Variants in OPCML observed in about 807,000 individuals in gnomAD.
OPCML encodes opioid binding protein/cell adhesion molecule like.
OPCML carries 13 observed loss-of-function variants against 37.8 expected under a neutral mutation model. The ratio of observed to expected loss-of-function variants is 0.34; its 90% CI spans 0.22 to 0.55. The LOEUF (loss-of-function observed/expected upper bound fraction) is 0.55. Ranked by LOEUF, OPCML falls within the 20% of genes least tolerant of loss-of-function variation. The pLI is 0.91. For synonymous variants in OPCML, 176 were observed against 168.8 expected, an observed-to-expected ratio of 1.04 and a Z score of -0.33; for missense variants, 341 against 435.6, an observed-to-expected ratio of 0.78 and a Z score of 1.93.
chr11:133,274,385 G>T (rs576815056), intron 1 of OPCML, among the ~76,000 whole-genome samples: 1 of 152,194 alleles, frequency 6.6e-6, no homozygotes, highest in South Asian at 2.1e-4. Context: ...AGACAGAGAC[G>T]TGTGAGGGAA....
intron 1 of OPCML, among the ~76,000 whole-genome samples, chr11:133,268,126 T>C (rs1315659978): frequency 6.6e-6 from 1 of 152,224 alleles, no homozygotes; most frequent in African/African-American, 2.4e-5. Flanking sequence ...CAAGAATTTC[T>C]GGCAACCCCT....
chr11:132,582,564 C>T (rs2096464310), intron 3 of OPCML, among the ~76,000 whole-genome samples: 1 of 152,022 alleles, frequency 6.6e-6, no homozygotes, highest in Non-Finnish European at 1.5e-5. Flanking sequence ...AATTGGACTC[C>T]TGGAATATTC....
chr11:132,590,396 C>T (rs1163355030), intron 3 of OPCML, among the ~76,000 whole-genome samples: 3 of 152,074 alleles, frequency 2.0e-5, no homozygotes, highest in Admixed American at 6.6e-5. Context: ...GTTCATTTCA[C>T]AGAAATGAAG....
intron 1 of OPCML, among the ~76,000 whole-genome samples, chr11:133,340,263 ACT>A (rs1943834720): frequency 6.6e-6 from 1 of 152,000 alleles, no homozygotes; most frequent in African/African-American, 2.4e-5. Context: ...GTGTCCTTTG[ACT>A]CTCCGGGTAA....
intron 2 of OPCML, among the ~76,000 whole-genome samples, chr11:132,794,507 G>C (rs184594822): frequency 4.9e-4 from 74 of 152,206 alleles, no homozygotes; most frequent in Non-Finnish European, 9.3e-4. Flanking sequence ...ATACCTCAGG[G>C]TTCCTCACTG....
At chr11:133,333,326 T>A (rs2136653316) in intron 1 of OPCML, among the ~76,000 whole-genome samples, 1 of 152,154 alleles carries the variant, frequency 6.6e-6, no homozygotes, top group Middle Eastern at 3.4e-3. Context: ...CCCATAGTGC[T>A]GGGATTACAG....
intron 2 of OPCML, among the ~76,000 whole-genome samples, chr11:132,861,839 A>T (rs1316213237): frequency 7.3e-5 from 9 of 122,802 alleles, no homozygotes; most frequent in East Asian, 2.1e-4. Context: ...CATCTCAAAT[A>T]AAAAAAAAAA....
intron 1 of OPCML, among the ~76,000 whole-genome samples, chr11:133,471,035 T>C (rs531310658): frequency 6.6e-6 from 1 of 152,334 alleles, no homozygotes; most frequent in South Asian, 2.1e-4. Flanking sequence ...TGATAGGAGC[T>C]ACGAAGCAGG....
intron 1 of OPCML, among the ~76,000 whole-genome samples, chr11:133,250,555 A>AGGAG (rs1941097961): frequency 7.2e-6 from 1 of 138,918 alleles, no homozygotes; most frequent in Non-Finnish European, 1.6e-5. Context: ...GAAGGAAGGA[A>AGGAG]GGAGGGAGGG....
At chr11:132,759,591 G>A (rs1946187600) in intron 2 of OPCML, among the ~76,000 whole-genome samples, 1 of 152,086 alleles carries the variant, frequency 6.6e-6, no homozygotes, top group Admixed American at 6.5e-5. Flanking sequence ...TTTGTGTAGA[G>A]GTGTTTATAA....
At chr11:132,456,555 T>A (rs556290036) in intron 4 of OPCML, among the ~76,000 whole-genome samples, 13 of 152,194 alleles carry the variant, frequency 8.5e-5, no homozygotes, top group Admixed American at 2.0e-4. Context: ...CTTCTTGCCT[T>A]CCACATTAGC....
chr11:133,431,107 A>T (rs1946106668), intron 1 of OPCML, among the ~76,000 whole-genome samples: 1 of 152,220 alleles, frequency 6.6e-6, no homozygotes, highest in Non-Finnish European at 1.5e-5. Flanking sequence ...TTCATTGCAA[A>T]ATAAGAATAA....
At chr11:133,441,012 A>C (rs994753878) in intron 1 of OPCML, among the ~76,000 whole-genome samples, 1 of 151,636 alleles carries the variant, frequency 6.6e-6, no homozygotes, top group Non-Finnish European at 1.5e-5. Context: ...TACATCTAAA[A>C]GAATTTGAGG....
chr11:133,249,220 C>G (rs1941047814), intron 1 of OPCML, among the ~76,000 whole-genome samples: 1 of 152,128 alleles, frequency 6.6e-6, no homozygotes, highest in Non-Finnish European at 1.5e-5. Context: ...GCATTTGCTT[C>G]TGGTAGGGCT....
At position 133,420,652 on chromosome 11, in the gene OPCML, GT is replaced by G. The variant is rs1390068418; in HGVS notation, c.61+111611del. ...ATTAAGGGTATGGAGGCTTTAAGAA[GT>G]TTTGATTCTAATCAGGAAGTTGAAA... On this transcript the variant is annotated intron_variant, in intron 1 of 7. Transcript: ENST00000524381. 3.0e-6 allele frequency: 3 copies of G among 985,236 alleles called. No individual in the cohort carries two copies. In the African/African-American group the frequency reaches 5.2e-5, roughly 17 times the overall value. The allele number at this position is 985,236 out of a possible 1,614,324, so 61.0% of individuals were successfully genotyped here. A position where few individuals can be genotyped will look rare whatever the true frequency, so the allele number is the denominator to read the frequency against.
chr11:132,656,691 T>A (rs1046405074), intron 3 of OPCML, among the ~76,000 whole-genome samples: 14 of 152,214 alleles, frequency 9.2e-5, no homozygotes, highest in African/African-American at 3.4e-4. Flanking sequence ...TGTCACGTAG[T>A]TTCTCATTGG....
At chr11:133,389,537 G>A (rs1448729099) in intron 1 of OPCML, among the ~76,000 whole-genome samples, 1 of 152,178 alleles carries the variant, frequency 6.6e-6, no homozygotes, top group East Asian at 1.9e-4. Context: ...TATGTATTTA[G>A]TGCAGTACTT....
At chr11:133,436,763 A>G (rs1161901132) in intron 1 of OPCML, among the ~76,000 whole-genome samples, 1 of 152,222 alleles carries the variant, frequency 6.6e-6, no homozygotes, top group Non-Finnish European at 1.5e-5. Context: ...GGATAATAAT[A>G]GAACCGAACT....
intron 1 of OPCML, among the ~76,000 whole-genome samples, chr11:133,429,221 G>A (rs1228970032): frequency 6.6e-6 from 1 of 152,200 alleles, no homozygotes; most frequent in Non-Finnish European, 1.5e-5. Context: ...TTCCAGGAGA[G>A]AACAGCAACT....
Sources: gnomAD v4.1 joint callset for allele counts (sites outside exome capture counted in the v4.1 genomes callset) on GRCh38, gnomAD v4.1.1 for gene constraint, MANE v1.5 for transcripts, NCBI Gene and HGNC (gene_info 2026-07-23, HGNC 2026-07-21) for gene names.